Variants in SCN8A observed in about 807,000 individuals in gnomAD.
SCN8A encodes the protein sodium voltage-gated channel alpha subunit 8, also known as sodium channel protein type 8 subunit alpha.
Under a neutral mutation model 184.1 loss-of-function variants are expected in SCN8A, and 30 were observed. The observed-to-expected ratio is 0.16, with a 90% CI of 0.12 to 0.22. SCN8A has a LOEUF of 0.22. Ranked by LOEUF, SCN8A falls within the 10% of genes least tolerant of loss-of-function variation. The pLI, the probability that SCN8A is intolerant of heterozygous loss-of-function variation, is 1.00. For synonymous variants in SCN8A, 852 were observed against 907.0 expected (o/e 0.94, Z 1.09); for missense variants, 1,057 against 2,498.9 (o/e 0.42, Z 12.30).
chr12:51,606,011 T>A (rs976571560), intron 1 of SCN8A, among the ~76,000 whole-genome samples: 3 of 152,190 alleles, frequency 2.0e-5, no homozygotes, highest in African/African-American at 7.2e-5. Context: ...TTTTCAGATA[T>A]ATAGATTGTC....
intron 2 of SCN8A, among the ~76,000 whole-genome samples, chr12:51,663,308 T>G (rs1236963062): frequency 6.6e-6 from 1 of 152,066 alleles, no homozygotes; most frequent in East Asian, 1.9e-4. Context: ...GACTTCTGAT[T>G]TTGGCTCCAG....
At chr12:51,638,230 G>C (rs1940362465) in intron 1 of SCN8A, among the ~76,000 whole-genome samples, 1 of 152,126 alleles carries the variant, frequency 6.6e-6, no homozygotes, top group Non-Finnish European at 1.5e-5. Context: ...GATTAATGTT[G>C]TATTCATGCC....
intron 6 of SCN8A, among the ~76,000 whole-genome samples, chr12:51,693,176 A>G (rs1442159269): frequency 6.6e-6 from 1 of 152,264 alleles, no homozygotes; most frequent in Non-Finnish European, 1.5e-5. Flanking sequence ...TTTCTGCTGC[A>G]TAATGATGGG....
intron 1 of SCN8A, among the ~76,000 whole-genome samples, chr12:51,595,289 C>T (rs766687305): frequency 6.6e-6 from 1 of 152,044 alleles, no homozygotes; most frequent in Non-Finnish European, 1.5e-5. Context: ...TAGGGCCAGC[C>T]CAGTGATTTA....
intron 2 of SCN8A, among the ~76,000 whole-genome samples, chr12:51,681,098 C>T (rs183137768): frequency 1.3e-3 from 201 of 152,242 alleles, no homozygotes; most frequent in Non-Finnish European, 5.4e-4. Context: ...AGGCCTGGCC[C>T]GGTGGTTTTT....
chr12:51,807,466 C>G lies in SCN8A; in HGVS notation c.*37C>G. 1.3e-6 allele frequency: 2 copies of G among 1,561,896 alleles called. No individual in the cohort carries two copies. The highest frequency in any genetic ancestry group is 1.2e-5 in the South Asian group (1 of 85,902). On this transcript the variant is annotated 3_prime_UTR_variant, in exon 27 of 27. Coordinates refer to ENST00000627620, the MANE Select transcript of SCN8A (RefSeq NM_001330260.2). This position sits in a 1 kb window ranked among gnomAD's most constrained non-coding sequence, Gnocchi z 4.5. ...AATTCAGTATTATACAGATCTAAAA[C>G]TCGCAAGTGAAAGATTGTTTACAAA...
At chr12:51,793,191 A>C (rs1938314610) in intron 25 of SCN8A, among the ~76,000 whole-genome samples, 1 of 152,240 alleles carries the variant, frequency 6.6e-6, no homozygotes, top group Non-Finnish European at 1.5e-5. Flanking sequence ...GCATAGAGCC[A>C]ATAAAAATGG....
rs1315467096 is a variant in SCN8A at position 51,731,104 on chromosome 12, C to T, written c.1998+9196C>T. Among the ~76,000 whole-genome samples, 4 of 152,320 alleles carry T rather than the reference C, an allele frequency of 2.6e-5. No homozygotes were observed. In the East Asian group the frequency reaches 5.8e-4, roughly 22 times the overall value. ...TGTCTAAGTACCACATTTTCTTTCT[C>T]CATTCATCTATTGATGGACACTTAG... On this transcript the variant is annotated intron_variant, in intron 12 of 26. Coordinates refer to ENST00000627620, the MANE Select transcript of SCN8A (RefSeq NM_001330260.2).
At chr12:51,706,790 T>G in intron 11 of SCN8A, 75 bp downstream of exon 11, 3 of 998,728 alleles carry the variant, frequency 3.0e-6, no homozygotes, top group Non-Finnish European at 4.2e-6. Context: ...ATGTATATTA[T>G]ACCATCTTTA....
intron 6 of SCN8A, among the ~76,000 whole-genome samples, chr12:51,697,218 C>G (rs1941610314): frequency 6.6e-6 from 1 of 152,052 alleles, no homozygotes; most frequent in Non-Finnish European, 1.5e-5. Flanking sequence ...TTCATAATCC[C>G]TTTGTGGCCA....
chr12:51,639,232 G>A (rs1447161692), intron 1 of SCN8A, among the ~76,000 whole-genome samples: 1 of 152,082 alleles, frequency 6.6e-6, no homozygotes, highest in Non-Finnish European at 1.5e-5. Flanking sequence ...TCCTGCCTTG[G>A]TCTCCCAAAG....
chr12:51,687,319 G>A, intron 5 of SCN8A, 100 bp downstream of exon 5: 1 of 1,352,190 alleles, frequency 7.4e-7, no homozygotes, highest in Non-Finnish European at 1.0e-6. Context: ...GGACACAGCT[G>A]TATGAGGAAT....
intron 11 of SCN8A, 36 bp from the exon 12 acceptor site, chr12:51,721,509 TC>T (rs778358335): frequency 1.2e-5 from 18 of 1,550,186 alleles, no homozygotes; most frequent in Non-Finnish European, 1.4e-5. Context: ...CCGTCTCATT[TC>T]CCCGTCCCTC....
Position 51,793,793 on chromosome 12 carries a change from C to T in SCN8A, c.4525-578C>T, listed in dbSNP as rs913161877. 5.3e-5 allele frequency among the ~76,000 whole-genome samples: 8 copies of T among 151,992 alleles called. 1 individual carries two copies. Among genetic ancestry groups the T allele is most frequent in the Admixed American group, 3.9e-4 (6 of 15,240 alleles). On this transcript the variant is annotated intron_variant, in intron 25 of 26. Transcript: ENST00000627620. ...TTTGAATTGCTATGTGCTATGATCGCGCCTATGCATAGCCACTGCACTCCA... is the reference window on the plus strand; with the variant it reads ...TTTGAATTGCTATGTGCTATGATCGTGCCTATGCATAGCCACTGCACTCCA...
At chr12:51,673,771 G>C (rs2138689604) in intron 2 of SCN8A, among the ~76,000 whole-genome samples, 1 of 152,318 alleles carries the variant, frequency 6.6e-6, no homozygotes, top group Non-Finnish European at 1.5e-5. Context: ...TCAGGGTCCA[G>C]TGAGAGATAC....
intron 1 of SCN8A, among the ~76,000 whole-genome samples, chr12:51,625,007 T>C (rs542129318): frequency 6.6e-6 from 1 of 152,272 alleles, no homozygotes; most frequent in South Asian, 2.1e-4. Flanking sequence ...GTCTACATCC[T>C]ATCCTGGGAT....
intron 14 of SCN8A, among the ~76,000 whole-genome samples, chr12:51,751,917 C>T (rs1325167753): frequency 6.6e-6 from 1 of 152,146 alleles, no homozygotes; most frequent in Non-Finnish European, 1.5e-5. Flanking sequence ...CATTCTGTTT[C>T]TCACATTGAT....
In SCN8A at chr12:51,623,771, C is replaced by G. The variant is rs532319481; in HGVS notation, c.-55+32412C>G. Among the ~76,000 whole-genome samples the G allele has an allele frequency of 8.6e-4, 131 of 152,276 alleles. 3 individuals carry two copies. Among genetic ancestry groups the G allele is most frequent in the African/African-American group, 2.8e-3 (116 of 41,540 alleles). The stretch of plus-strand genomic sequence containing the variant: ...TAATGCTATCCCTTCCTCCTCCCCC[C>G]ACCCCACAACAGGCCCCGGTGTGTG... On this transcript the variant is annotated intron_variant, in intron 1 of 26. Transcript: ENST00000627620.
chr12:51,607,722 A>G lies in SCN8A; in HGVS notation c.-55+16363A>G, dbSNP rs1364220124. ...GTTTTTAATTCTGTTTATGTGCTGT[A>G]TCACATTTATTGACTTCCATATGTT... On this transcript the variant is annotated intron_variant, in intron 1 of 26. Transcript: ENST00000627620. Among the ~76,000 whole-genome samples, 4 of 152,290 alleles carry G rather than the reference A, an allele frequency of 2.6e-5. No individual in the cohort carries two copies. The South Asian group carries it at 6.2e-4, about 24-fold the overall frequency.
Sources: allele counts gnomAD v4.1 joint callset (sites outside exome capture counted in the v4.1 genomes callset), GRCh38; gene constraint gnomAD v4.1.1; non-coding constraint Gnocchi (gnomAD v3.1); transcripts MANE v1.5; gene names NCBI Gene and HGNC (gene_info 2026-07-23, HGNC 2026-07-21).